The following PARD3B variants were observed in gnomAD, a reference collection of about 807,000 sequenced individuals.
The protein encoded by PARD3B is par-3 family cell polarity regulator beta, also known as partitioning defective 3 homolog B.
In PARD3B, 103 loss-of-function variants were observed where a neutral mutation model predicts 130.2. That is an observed-to-expected ratio of 0.79 (90% CI 0.67 to 0.93). PARD3B has a LOEUF of 0.93. PARD3B is among the 40% of genes least tolerant of loss of function. The probability of loss-of-function intolerance (pLI) is 0.00; values close to 1 mark genes in which losing one functional copy is unlikely to be tolerated. For synonymous variants in PARD3B, 583 were observed against 553.2 expected (o/e 1.05, Z -0.76); for missense variants, 1,609 against 1,499.2 (o/e 1.07, Z -1.21).
intron 18 of PARD3B, among the ~76,000 whole-genome samples, chr2:205,385,765 G>A (rs1480167639): frequency 4.6e-5 from 7 of 151,986 alleles, no homozygotes; most frequent in Non-Finnish European, 1.5e-5. Context: ...AGCTCAATGA[G>A]ATATACTTAA....
At chr2:204,909,470 T>C (rs1458511271) in intron 2 of PARD3B, among the ~76,000 whole-genome samples, 2 of 152,196 alleles carry the variant, frequency 1.3e-5, no homozygotes, top group African/African-American at 4.8e-5. Flanking sequence ...TTTTGGAAGA[T>C]GGCCATCATA....
At chr2:204,773,005 A>G (rs1276453841) in intron 2 of PARD3B, among the ~76,000 whole-genome samples, 1 of 152,184 alleles carries the variant, frequency 6.6e-6, no homozygotes, top group South Asian at 2.1e-4. Flanking sequence ...TTGAGTTTAC[A>G]TATATATCAA....
intron 21 of PARD3B, among the ~76,000 whole-genome samples, chr2:205,523,444 A>ATCTTGGCCAGGCTGGT (rs1007817323): frequency 2.0e-5 from 3 of 151,670 alleles, no homozygotes; most frequent in African/African-American, 7.3e-5. Flanking sequence ...GGGTTTCACC[A>ATCTTGGCCAGGCTGGT]TCTTGGCCAG....
At chr2:205,224,503 C>T (rs972044611) in intron 15 of PARD3B, among the ~76,000 whole-genome samples, 7 of 151,552 alleles carry the variant, frequency 4.6e-5, no homozygotes, top group Non-Finnish European at 5.9e-5. Context: ...TTTTTGTGCC[C>T]ATTCATCATT....
At chr2:204,688,807 A>C (rs1425414132) in intron 2 of PARD3B, among the ~76,000 whole-genome samples, 2 of 152,140 alleles carry the variant, frequency 1.3e-5, no homozygotes, top group Non-Finnish European at 2.9e-5. Flanking sequence ...GGCGGTATTG[A>C]GCTTAGACAA....
chr2:204,656,560 C>A (rs1373856882), intron 1 of PARD3B, among the ~76,000 whole-genome samples: 1 of 152,080 alleles, frequency 6.6e-6, no homozygotes, highest in Non-Finnish European at 1.5e-5. Context: ...ATGTTGAGAG[C>A]CACCCAGTCC....
Position 205,360,485 on chromosome 2 carries a change from A to G in PARD3B, c.2631-40528A>G, listed in dbSNP as rs146020894. The stretch of plus-strand genomic sequence containing the variant: ...TTCCTTCTACTGAGCTGATAGACTT[A>G]CCTTTCACATTTTGGTCTTTAATCC... On this transcript the variant is annotated intron_variant, in intron 18 of 22. Transcript: ENST00000406610. Among the ~76,000 whole-genome samples, 269 of 152,296 alleles carry G rather than the reference A, an allele frequency of 1.8e-3. 3 individuals are homozygous for G. Among genetic ancestry groups the G allele is most frequent in the African/African-American group, 6.1e-3 (253 of 41,552 alleles).
chr2:205,246,279 A>T (rs2039569015), intron 16 of PARD3B, among the ~76,000 whole-genome samples: 1 of 149,970 alleles, frequency 6.7e-6, no homozygotes, highest in African/African-American at 2.5e-5. Flanking sequence ...GGATTGTTCC[A>T]GGGATGTATG....
At chr2:205,193,092 G>T (rs1477505826) in intron 14 of PARD3B, 113 bp from the exon 15 acceptor site, 1 of 638,472 alleles carries the variant, frequency 1.6e-6, no homozygotes, top group Non-Finnish European at 2.8e-6. Context: ...GAAAATATGT[G>T]GTTGGGAGCT....
At chr2:205,593,893 T>A (rs1460151234) in intron 22 of PARD3B, among the ~76,000 whole-genome samples, 2 of 152,260 alleles carry the variant, frequency 1.3e-5, no homozygotes, top group African/African-American at 4.8e-5. Flanking sequence ...TATAAGATCA[T>A]GGATTCATTT....
At chr2:205,217,869 TATATATA>T (rs2038019450) in intron 15 of PARD3B, among the ~76,000 whole-genome samples, 1 of 42,968 alleles carries the variant, frequency 2.3e-5, no homozygotes, top group Admixed American at 3.7e-4. Context: ...TGTGTGTGTG[TATATATA>T]TATATATATA....
At chr2:204,864,969 T>G (rs910831685) in intron 2 of PARD3B, among the ~76,000 whole-genome samples, 1 of 152,152 alleles carries the variant, frequency 6.6e-6, no homozygotes, top group African/African-American at 2.4e-5. Flanking sequence ...TAAGGACATT[T>G]GAATAGACAG....
In PARD3B at chr2:205,176,670, G is replaced by A. The variant is rs1025107526; in HGVS notation, c.1924+93G>A. 1.5e-6 allele frequency: 2 copies of A among 1,306,932 alleles called. No homozygotes were observed. Among genetic ancestry groups the A allele is most frequent in the East Asian group, 5.4e-5 (2 of 37,214 alleles). The allele number at this position is 1,306,932 out of a possible 1,614,324, so 81.0% of individuals were successfully genotyped here. Reference sequence around the variant, plus strand: ...AAAAAAAAAAAAAGAGTAAAGGGGAGTTAATTAGACTAAGTGCAGACTTTG... The same window carrying A: ...AAAAAAAAAAAAAGAGTAAAGGGGAATTAATTAGACTAAGTGCAGACTTTG... On this transcript the variant is annotated intron_variant, in intron 13 of 22. Coordinates refer to ENST00000406610, the MANE Select transcript of PARD3B (RefSeq NM_001302769.2). This position sits in a 1 kb window ranked among gnomAD's most constrained non-coding sequence, Gnocchi z 5.3.
At chr2:204,703,324 T>A (rs1387936209) in intron 2 of PARD3B, among the ~76,000 whole-genome samples, 1 of 152,184 alleles carries the variant, frequency 6.6e-6, no homozygotes, top group Non-Finnish European at 1.5e-5. Context: ...ATTTATGAGA[T>A]GTTTGTCCCA....
intron 10 of PARD3B, among the ~76,000 whole-genome samples, chr2:205,149,172 T>A (rs1559485777): frequency 6.6e-6 from 1 of 152,180 alleles, no homozygotes; most frequent in Non-Finnish European, 1.5e-5. Flanking sequence ...CTTCCTCTCA[T>A]GCCAAGTAAT....
At chr2:204,632,904 G>A (rs1340127075) in intron 1 of PARD3B, among the ~76,000 whole-genome samples, 4 of 152,130 alleles carry the variant, frequency 2.6e-5, no homozygotes, top group Non-Finnish European at 1.5e-5. Flanking sequence ...TGTTCCCCTC[G>A]GTGAGTGCCA....
intron 2 of PARD3B, among the ~76,000 whole-genome samples, chr2:204,735,699 G>A (rs781660292): frequency 2.0e-5 from 3 of 152,122 alleles, no homozygotes; most frequent in African/African-American, 2.4e-5. Flanking sequence ...TGGATGGGCC[G>A]TTAGACATAG....
rs2039961925 is a variant in PARD3B at position 205,253,913 on chromosome 2, CACA to C, written c.2185+8092_2185+8094del. 2.0e-5 allele frequency among the ~76,000 whole-genome samples: 3 copies of C among 151,622 alleles called. No homozygotes were observed. In the South Asian group the frequency reaches 6.2e-4, roughly 32 times the overall value. Reference sequence around the variant, plus strand: ...ATTAAGAAAACAAAAACAAAAACACCACAGAGGTGGTTTGAAAGAAGAGGTTGG... The same window carrying C: ...ATTAAGAAAACAAAAACAAAAACACCGAGGTGGTTTGAAAGAAGAGGTTGG... On this transcript the variant is annotated intron_variant, in intron 16 of 22. Transcript: ENST00000406610. The surrounding 1 kb of genome is among the most constrained non-coding windows in gnomAD (Gnocchi z 4.4).
intron 10 of PARD3B, among the ~76,000 whole-genome samples, chr2:205,157,403 A>G (rs548761738): frequency 1.3e-5 from 2 of 152,334 alleles, no homozygotes; most frequent in Admixed American, 6.5e-5. Flanking sequence ...TTTGAACAAC[A>G]TATTGTCAAA....
Sources: gnomAD v4.1 joint callset for allele counts (sites outside exome capture counted in the v4.1 genomes callset) on GRCh38, gnomAD v4.1.1 for gene constraint, Gnocchi (gnomAD v3.1) non-coding constraint, MANE v1.5 for transcripts, NCBI Gene and HGNC (gene_info 2026-07-23, HGNC 2026-07-21) for gene names.